Variants in PHACTR3 observed in about 807,000 individuals in gnomAD.
The protein encoded by PHACTR3 is protein phosphatase 1, regulatory subunit 123.
PHACTR3 carries 16 observed loss-of-function variants against 66.8 expected under a neutral mutation model. The observed-to-expected ratio is 0.24, with a 90% CI of 0.16 to 0.36. PHACTR3 has a LOEUF of 0.36. Among genes scored for constraint, PHACTR3 ranks in the 10% least tolerant of loss-of-function variants. The pLI is 1.00. For synonymous variants in PHACTR3, 323 were observed against 292.1 expected (o/e 1.11, Z -1.08); for missense variants, 647 against 719.9 (o/e 0.90, Z 1.16).
intron 7 of PHACTR3, among the ~76,000 whole-genome samples, chr20:59,790,567 TG>T (rs1195056381): frequency 6.6e-6 from 1 of 152,196 alleles, no homozygotes; most frequent in African/African-American, 2.4e-5. Flanking sequence ...CAATAAATGA[TG>T]GGATTATGTG....
rs2059109531 is a variant in PHACTR3, at chr20:59,844,007, A to G, written c.1588-1182A>G. The G allele has an allele frequency of 2.0e-5, 3 of 152,162 alleles. 1 individual carries two copies. The allele number at this position is 152,162 out of a possible 1,614,324, so 9.4% of individuals were successfully genotyped here. A position where few individuals can be genotyped will look rare whatever the true frequency, so the allele number is the denominator to read the frequency against. On this transcript the variant is annotated intron_variant, in intron 11 of 12. Coordinates refer to ENST00000371015, the MANE Select transcript of PHACTR3 (RefSeq NM_080672.5). ...CAAATAATCCCATTAGAAAGTAGACAAAAGACATGAGTAGACATTTCTCAA... is the reference window on the plus strand; with the variant it reads ...CAAATAATCCCATTAGAAAGTAGACGAAAGACATGAGTAGACATTTCTCAA...
intron 1 of PHACTR3, among the ~76,000 whole-genome samples, chr20:59,595,983 G>A (rs2033316916): frequency 6.6e-6 from 1 of 152,168 alleles, no homozygotes; most frequent in Middle Eastern, 3.2e-3. Context: ...TTCACCAAGT[G>A]AACACACCTC....
intron 1 of PHACTR3, among the ~76,000 whole-genome samples, chr20:59,742,810 A>G (rs2039215396): frequency 6.6e-6 from 1 of 152,130 alleles, no homozygotes; most frequent in Non-Finnish European, 1.5e-5. Flanking sequence ...CTGGGCAGGC[A>G]GCGTTTCATG....
intron 1 of PHACTR3, among the ~76,000 whole-genome samples, chr20:59,584,588 T>G (rs983700029): frequency 1.3e-5 from 2 of 152,172 alleles, no homozygotes; most frequent in African/African-American, 4.8e-5. Context: ...TATATATGGA[T>G]GCGATCTCCC....
chr20:59,789,364 A>G (rs1458706678), intron 7 of PHACTR3, among the ~76,000 whole-genome samples: 1 of 152,252 alleles, frequency 6.6e-6, no homozygotes, highest in Non-Finnish European at 1.5e-5. Flanking sequence ...TATATGCAGA[A>G]TTCTACAGAC....
intron 1 of PHACTR3, among the ~76,000 whole-genome samples, chr20:59,584,666 C>T (rs1476912741): frequency 6.6e-6 from 1 of 152,168 alleles, no homozygotes; most frequent in Non-Finnish European, 1.5e-5. Context: ...CTCCAGCTCC[C>T]AGCCCCTAAC....
chr20:59,764,797 C>G (rs116812758), intron 4 of PHACTR3, among the ~76,000 whole-genome samples: 1 of 152,100 alleles, frequency 6.6e-6, no homozygotes, highest in Non-Finnish European at 1.5e-5. Context: ...ATGCAAGGAC[C>G]ATATTAAAGG....
At chr20:59,811,020 CCTTA>C (rs2041722795) in intron 8 of PHACTR3, among the ~76,000 whole-genome samples, 1 of 152,200 alleles carries the variant, frequency 6.6e-6, no homozygotes, top group Admixed American at 6.5e-5. Context: ...TTGACGTCTG[CCTTA>C]CTTTCTTTCA....
intron 8 of PHACTR3, among the ~76,000 whole-genome samples, chr20:59,826,849 T>A (rs563416131): frequency 6.6e-6 from 1 of 152,348 alleles, no homozygotes; most frequent in East Asian, 1.9e-4. Flanking sequence ...TGGGTGTCAC[T>A]GTGAATGACA....
chr20:59,780,933 G>C (rs910958393), intron 7 of PHACTR3, among the ~76,000 whole-genome samples: 1 of 152,166 alleles, frequency 6.6e-6, no homozygotes, highest in Non-Finnish European at 1.5e-5. Context: ...CGTTCTGGTT[G>C]CCGTGGTAAT....
Position 59,585,231 on chromosome 20 carries a change from C to T in PHACTR3, c.109+7614C>T, listed in dbSNP as rs760806471. Among the ~76,000 whole-genome samples the T allele has an allele frequency of 4.6e-5, 7 of 152,098 alleles. 1 individual carries two copies. The South Asian group carries it at 8.3e-4, about 18-fold the overall frequency. ...GAATCGGCCTTCCCTGACTCGGGGTCGGCATGAACCCACCTCTCAGTGGGA... is the reference window on the plus strand; with the variant it reads ...GAATCGGCCTTCCCTGACTCGGGGTTGGCATGAACCCACCTCTCAGTGGGA... On this transcript the variant is annotated intron_variant, in intron 1 of 12. Coordinates refer to the PHACTR3 transcript ENST00000359926.
chr20:59,749,637 T>G (rs1239557953), intron 3 of PHACTR3, among the ~76,000 whole-genome samples: 1 of 152,168 alleles, frequency 6.6e-6, no homozygotes, highest in African/African-American at 2.4e-5. Flanking sequence ...GAGGGTCAGA[T>G]AGTGCATATT....
intron 11 of PHACTR3, chr20:59,844,423 AG>A (rs1178061065): frequency 6.6e-6 from 1 of 152,158 alleles, no homozygotes; most frequent in African/African-American, 2.4e-5. Context: ...GTCCATCAAT[AG>A]ATTAATGGAT....
At chr20:59,674,643 CT>C (rs2036348962) in intron 1 of PHACTR3, among the ~76,000 whole-genome samples, 11 of 94,516 alleles carry the variant, frequency 1.2e-4, no homozygotes, top group African/African-American at 2.8e-4. Flanking sequence ...TCTCCTGTTC[CT>C]CTCCCTTCTC....
chr20:59,740,756 T>C (rs924334703), intron 1 of PHACTR3, among the ~76,000 whole-genome samples: 1 of 152,226 alleles, frequency 6.6e-6, no homozygotes, highest in African/African-American at 2.4e-5. Context: ...GTGCAGCCCT[T>C]TGGAAGCCAG....
Position 59,604,864 on chromosome 20 carries a change from T to G in PHACTR3, c.-151T>G. The G allele has an allele frequency of 5.8e-6, 7 of 1,198,188 alleles. No individual in the cohort carries two copies. Among genetic ancestry groups the G allele is most frequent in the East Asian group, 3.4e-5 (1 of 29,044 alleles). 74.2% of individuals were successfully genotyped at this position (1,198,188 alleles called of 1,614,324 possible). A position where few individuals can be genotyped will look rare whatever the true frequency, so the allele number is the denominator to read the frequency against. On this transcript the variant is annotated 5_prime_UTR_variant, in exon 1 of 13. Coordinates refer to ENST00000371015, the MANE Select transcript of PHACTR3 (RefSeq NM_080672.5). ...GCCCCGGCGTCTTTCTCCAGCTCGT[T>G]TCCTTTCCCGGCCTTTTTTTTTTTT...
intron 1 of PHACTR3, among the ~76,000 whole-genome samples, chr20:59,637,901 A>G (rs1249295056): frequency 1.3e-5 from 2 of 152,162 alleles, no homozygotes; most frequent in Non-Finnish European, 2.9e-5. Flanking sequence ...AGTTCTTTAC[A>G]TACTTTATCT....
At chr20:59,642,987 C>T (rs769978210) in intron 1 of PHACTR3, among the ~76,000 whole-genome samples, 36 of 152,194 alleles carry the variant, frequency 2.4e-4, no homozygotes, top group Non-Finnish European at 4.3e-4. Context: ...TCTTGGCTCA[C>T]TGCAAGCACC....
At chr20:59,774,138 T>C in intron 6 of PHACTR3, 105 bp from the exon 7 acceptor site, 1 of 1,441,184 alleles carries the variant, frequency 6.9e-7, no homozygotes, top group Non-Finnish European at 9.3e-7. Context: ...GTCACATGCA[T>C]TTTGGGGCTG....
Sources: allele counts gnomAD v4.1 joint callset (sites outside exome capture counted in the v4.1 genomes callset), GRCh38; gene constraint gnomAD v4.1.1; transcripts MANE v1.5; gene names NCBI Gene and HGNC (gene_info 2026-07-23, HGNC 2026-07-21).